Variants in TRPV3 observed in about 807,000 individuals in gnomAD.
TRPV3 encodes transient receptor potential cation channel subfamily V member 3.
In TRPV3, 88 loss-of-function variants were observed where a neutral mutation model predicts 87.1. That is an observed-to-expected ratio of 1.01 (90% confidence interval 0.85 to 1.21). TRPV3 has a LOEUF of 1.21. Ranked by LOEUF, TRPV3 falls within the 50% of genes most tolerant of loss-of-function variation. The probability of loss-of-function intolerance (pLI) is 0.00; values close to 1 mark genes in which losing one functional copy is unlikely to be tolerated. For synonymous variants in TRPV3, 438 were observed against 423.3 expected, an observed-to-expected ratio of 1.03 and a Z score of -0.43; for missense variants, 1,054 against 1,030.1, an observed-to-expected ratio of 1.02 and a Z score of -0.32.
Position 3,557,206 on chromosome 17 carries a change from G to T in TRPV3, c.-3+470C>A, listed in dbSNP as rs539059874. The stretch of plus-strand genomic sequence containing the variant: ...GACACTGATTGAAATGGCCTTTCCC[G>T]GGCGACAGACCAGGCCGCGGAGCCA... On this transcript the variant is annotated intron_variant, in intron 1 of 17. Transcript: ENST00000576742. This position sits in a 1 kb window ranked among gnomAD's most constrained non-coding sequence, Gnocchi z 4.5. Among the ~76,000 whole-genome samples the T allele has an allele frequency of 2.0e-5, 3 of 152,040 alleles. No homozygotes were observed. The highest frequency in any genetic ancestry group is 6.6e-5 in the Admixed American group (1 of 15,266).
intron 2 of TRPV3, among the ~76,000 whole-genome samples, chr17:3,548,762 C>A (rs944077575): frequency 1.3e-5 from 2 of 152,194 alleles, no homozygotes; most frequent in Non-Finnish European, 2.9e-5. Flanking sequence ...GATTTAAACC[C>A]TTGCCTGGGA....
rs1555545584 is a variant in TRPV3 at position 3,540,092 on chromosome 17, T to TAAATAAATAAATAAATAAAC, written c.643+2429_643+2430insGTTTATTTATTTATTTATTT. On this transcript the variant is annotated intron_variant, in intron 6 of 17. Coordinates refer to ENST00000576742, the MANE Select transcript of TRPV3 (RefSeq NM_145068.4). ...ATAAATAAATAAATAAATAAATAAA[T>TAAATAAATAAATAAATAAAC]AAACAAAGTCATTGCTCTAAATAAG... Among the ~76,000 whole-genome samples, 206 of 150,854 alleles carry TAAATAAATAAATAAATAAAC rather than the reference T, an allele frequency of 1.4e-3. 1 individual carries two copies. Among genetic ancestry groups the TAAATAAATAAATAAATAAAC allele is most frequent in the African/African-American group, 4.0e-3 (164 of 41,072 alleles).
At chr17:3,531,879 G>A (rs1370495127) in intron 8 of TRPV3, among the ~76,000 whole-genome samples, 2 of 152,186 alleles carry the variant, frequency 1.3e-5, no homozygotes, top group Non-Finnish European at 2.9e-5. Context: ...AGGCCCTCGG[G>A]GCAGCTGACC....
At position 3,518,103 on chromosome 17, in the gene TRPV3, G is replaced by A. The variant is rs2074200955; in HGVS notation, c.2085+473C>T. On this transcript the variant is annotated intron_variant, in intron 15 of 17. Transcript: ENST00000576742. The surrounding 1 kb of genome is among the most constrained non-coding windows in gnomAD (Gnocchi z 4.3). ...CAAAGTGCTAAGATTACAGGGGTGAGCCACCATGCCCGGCCGCCAACCACC... is the reference window on the plus strand; with the variant it reads ...CAAAGTGCTAAGATTACAGGGGTGAACCACCATGCCCGGCCGCCAACCACC... Among the ~76,000 whole-genome samples, 1 of 152,026 alleles carries A rather than the reference G, an allele frequency of 6.6e-6. No individual in the cohort carries two copies. Among genetic ancestry groups the A allele is most frequent in the Non-Finnish European group, 1.5e-5 (1 of 68,014 alleles).
At chr17:3,536,479 T>C (rs951698072) in intron 6 of TRPV3, among the ~76,000 whole-genome samples, 3 of 152,240 alleles carry the variant, frequency 2.0e-5, no homozygotes, top group Non-Finnish European at 2.9e-5. Context: ...TCCCAGCTAC[T>C]TGGGAGGCTG....
At position 3,512,827 on chromosome 17, in the gene TRPV3, T is replaced by A. The variant is rs866385696; in HGVS notation, c.*1090A>T. 6.6e-6 allele frequency: 1 copy of A among 151,836 alleles called. No homozygotes were observed. The highest frequency in any genetic ancestry group is 2.1e-4 in the South Asian group (1 of 4,816). The allele number at this position is 151,836 out of a possible 1,614,324, so 9.4% of individuals were successfully genotyped here. The stretch of plus-strand genomic sequence containing the variant: ...TTCACAGTTAAAATTAAAAAAAAAA[T>A]ACTTCGTACCAAAGCAGTTGAGGCA... On this transcript the variant is annotated 3_prime_UTR_variant, in exon 18 of 18. Transcript: ENST00000576742.
chr17:3,532,948 A>AGC lies in TRPV3; in HGVS notation c.785-13_785-12dup. Reference sequence around the variant, plus strand: ...CCAGGGGCGTCTCACCTGGGGGATGAGCGCACTGAAGCTTGGTTCTCTCAT... The same window carrying AGC: ...CCAGGGGCGTCTCACCTGGGGGATGAGCGCGCACTGAAGCTTGGTTCTCTCAT... On this transcript the variant is annotated splice_polypyrimidine_tract_variant and intron_variant, in intron 7 of 17. Coordinates refer to ENST00000576742, the MANE Select transcript of TRPV3 (RefSeq NM_145068.4). 1 of 1,611,978 alleles carries AGC rather than the reference A, an allele frequency of 6.2e-7. No homozygotes were observed. The highest frequency in any genetic ancestry group is 8.5e-7 in the Non-Finnish European group (1 of 1,179,006).
In TRPV3 at chr17:3,530,332, G is replaced by A. The variant is rs1445038978; in HGVS notation, c.1066-129C>T. 1.8e-5 allele frequency: 16 copies of A among 890,042 alleles called. No individual in the cohort carries two copies. The highest frequency in any genetic ancestry group is 2.0e-5 in the Non-Finnish European group (12 of 602,642). 55.1% of individuals were successfully genotyped at this position (890,042 alleles called of 1,614,324 possible). A position where few individuals can be genotyped will look rare whatever the true frequency, so the allele number is the denominator to read the frequency against. On this transcript the variant is annotated intron_variant, in intron 8 of 17. Transcript: ENST00000576742. This position sits in a 1 kb window ranked among gnomAD's most constrained non-coding sequence, Gnocchi z 4.0. ...AGAATGGGTGGAGACCTGCCTCTGCGCCTGGCGCCATGGCCCCTGGGCCCC... is the reference window on the plus strand; with the variant it reads ...AGAATGGGTGGAGACCTGCCTCTGCACCTGGCGCCATGGCCCCTGGGCCCC...
rs1018943613 is a variant in TRPV3, at chr17:3,511,968, C to A, written c.*1949G>T. The A allele has an allele frequency of 6.6e-6, 1 of 152,164 alleles. No homozygotes were observed. Among genetic ancestry groups the A allele is most frequent in the Non-Finnish European group, 1.5e-5 (1 of 68,034 alleles). The allele number at this position is 152,164 out of a possible 1,614,324, so 9.4% of individuals were successfully genotyped here. On this transcript the variant is annotated 3_prime_UTR_variant, in exon 18 of 18. Transcript: ENST00000576742. ...CCAAGATGTCTGTTCAGGCTTAATG[C>A]GGGTAGCTAACTCCAGATGTGGAAT...
chr17:3,525,796 A>AT (rs1352870805), intron 12 of TRPV3, among the ~76,000 whole-genome samples: 2 of 151,834 alleles, frequency 1.3e-5, no homozygotes, highest in African/African-American at 4.8e-5. Context: ...TAATTTTTGT[A>AT]TTTTTTGTAG....
intron 7 of TRPV3, 90 bp downstream of exon 7, chr17:3,535,483 C>G (rs1344669182): frequency 7.4e-7 from 1 of 1,345,686 alleles, no homozygotes; most frequent in African/African-American, 1.6e-5. Context: ...CCCCCTCCTC[C>G]CTTCTTCCCT....
Position 3,535,938 on chromosome 17 carries a change from TG to T in TRPV3, c.644-226del, listed in dbSNP as rs149197734. On this transcript the variant is annotated intron_variant, in intron 6 of 17. Coordinates refer to ENST00000576742, the MANE Select transcript of TRPV3 (RefSeq NM_145068.4). ...TGCTCCGGGCTCCGGCCCCAGGCGC[TG>T]GGGGTCAGTGGGTGCCCAAGACGCA... 9.8e-5 allele frequency among the ~76,000 whole-genome samples: 15 copies of T among 152,338 alleles called. No individual in the cohort carries two copies. In the East Asian group the frequency reaches 2.7e-3, roughly 27 times the overall value.
intron 2 of TRPV3, among the ~76,000 whole-genome samples, chr17:3,550,449 AGGGCTGTGCT>A (rs2074562953): frequency 6.6e-6 from 1 of 151,194 alleles, no homozygotes; most frequent in Non-Finnish European, 1.5e-5. Context: ...CGTGCTGCCA[AGGGCTGTGCT>A]GGGCTACCCG....
At position 3,542,657 on chromosome 17, in the gene TRPV3, T is replaced by C. The variant is rs751486005; in HGVS notation, c.508A>G (p.Thr170Ala). Residue 170 changes from threonine to alanine, a missense_variant, in exon 6 of 18, where the codon ACC becomes GCC. Thr to Ala is a moderately conservative substitution (Grantham distance 58, BLOSUM62 0). Transcript: ENST00000576742. ...TTTAACAAGGCCTTCATCAGGCAGG[T>C]CTTCCCCGTGTCGGAGGCCGTCAGC... ...HKLTASDTGK[T>A]CLMKALLNIN... 6.2e-7 allele frequency: 1 copy of C among 1,614,040 alleles called. No homozygotes were observed. The highest frequency in any genetic ancestry group is 8.5e-7 in the Non-Finnish European group (1 of 1,179,984).
intron 1 of TRPV3, 32 bp from the exon 2 acceptor site, chr17:3,554,884 C>CG (rs763065498): frequency 2.7e-6 from 4 of 1,508,382 alleles, no homozygotes; most frequent in Non-Finnish European, 3.6e-6. Flanking sequence ...GATGCTCAGG[C>CG]CGGGGGGACA....
rs931576058 is a variant in TRPV3, at chr17:3,530,511, C to T, written c.1066-308G>A. ...CCTCACGCCAGCTGGGGACCCGGTT[C>T]GGTGAAAAATCCAGGCACTGATGAT... On this transcript the variant is annotated intron_variant, in intron 8 of 17. Coordinates refer to ENST00000576742, the MANE Select transcript of TRPV3 (RefSeq NM_145068.4). The surrounding 1 kb of genome is among the most constrained non-coding windows in gnomAD (Gnocchi z 4.0). 1.2e-4 allele frequency among the ~76,000 whole-genome samples: 19 copies of T among 152,186 alleles called. No homozygotes were observed. The highest frequency in any genetic ancestry group is 3.9e-4 in the African/African-American group (16 of 41,440).
intron 6 of TRPV3, among the ~76,000 whole-genome samples, chr17:3,537,136 G>T (rs1379676163): frequency 6.6e-6 from 1 of 152,118 alleles, no homozygotes; most frequent in Non-Finnish European, 1.5e-5. Flanking sequence ...TTGTTTGTTT[G>T]TATGTTTGAC....
In TRPV3 at chr17:3,516,440, C is replaced by T. The variant is rs771932965; in HGVS notation, c.2198+17G>A. The T allele has an allele frequency of 5.0e-6, 8 of 1,606,928 alleles. No homozygotes were observed. Among genetic ancestry groups the T allele is most frequent in the Non-Finnish European group, 6.0e-6 (7 of 1,173,600 alleles). Reference sequence around the variant, plus strand: ...ACCCCAAAGACCACCACCCCAGGGCCCTTCTCCCTTTGTTACCGCAAACAC... The same window carrying T: ...ACCCCAAAGACCACCACCCCAGGGCTCTTCTCCCTTTGTTACCGCAAACAC... On this transcript the variant is annotated intron_variant, in intron 16 of 17. Transcript: ENST00000576742.
Position 3,539,404 on chromosome 17 carries a change from A to G in TRPV3, c.643+3118T>C, listed in dbSNP as rs80029148. Among the ~76,000 whole-genome samples the G allele has an allele frequency of 3.8e-3, 577 of 152,244 alleles. 21 individuals carry two copies. The East Asian group carries it at 0.085, about 22-fold the overall frequency. On this transcript the variant is annotated intron_variant, in intron 6 of 17. Transcript: ENST00000576742. ...TGCGGTGGCTCACGCCTATAATCCC[A>G]TCATTGAGAGGCAGAGGCGGGAGGA...
Sources: gnomAD v4.1 joint callset for allele counts (sites outside exome capture counted in the v4.1 genomes callset) on GRCh38, gnomAD v4.1.1 for gene constraint, Gnocchi (gnomAD v3.1) non-coding constraint, MANE v1.5 for transcripts, NCBI Gene and HGNC (gene_info 2026-07-23, HGNC 2026-07-21) for gene names.